HIPK3: variants seen among roughly 807,000 people sequenced by gnomAD.
HIPK3 encodes homeodomain interacting protein kinase 3, also known as homeodomain-interacting protein kinase 3.
In HIPK3, 47 loss-of-function variants were observed where a neutral mutation model predicts 124.2. The observed-to-expected ratio is 0.38, with a 90% CI of 0.30 to 0.48. HIPK3 has a LOEUF of 0.48. Ranked by LOEUF, HIPK3 falls within the 20% of genes least tolerant of loss-of-function variation. The pLI, the probability that HIPK3 is intolerant of heterozygous loss-of-function variation, is 0.98. For synonymous variants in HIPK3, 482 were observed against 515.2 expected (o/e 0.94, Z 0.87); for missense variants, 1,286 against 1,454.3 (o/e 0.88, Z 1.88).
intron 1 of HIPK3, among the ~76,000 whole-genome samples, chr11:33,258,911 C>T (rs1850749032): frequency 6.6e-6 from 1 of 151,616 alleles, no homozygotes; most frequent in East Asian, 1.9e-4. Flanking sequence ...CTTCTATTAG[C>T]AACAGCAAAA....
At chr11:33,261,483 T>C (rs1850826289) in intron 1 of HIPK3, among the ~76,000 whole-genome samples, 1 of 152,196 alleles carries the variant, frequency 6.6e-6, no homozygotes. Context: ...TTTCTGTTCC[T>C]GCATTATTTA....
intron 1 of HIPK3, among the ~76,000 whole-genome samples, chr11:33,270,198 C>CA (rs1851085986): frequency 6.6e-6 from 1 of 152,052 alleles, no homozygotes; most frequent in Non-Finnish European, 1.5e-5. Context: ...AGGCCGGTCT[C>CA]AAACTCCTGA....
chr11:33,301,613 T>A (rs1221952976), intron 2 of HIPK3, among the ~76,000 whole-genome samples: 4 of 141,554 alleles, frequency 2.8e-5, no homozygotes, highest in Non-Finnish European at 4.6e-5. Flanking sequence ...TGGGACCCCA[T>A]CTCTATAAAA....
chr11:33,350,379 G>A (rs552332335), intron 14 of HIPK3, among the ~76,000 whole-genome samples: 1 of 152,084 alleles, frequency 6.6e-6, no homozygotes, highest in South Asian at 2.1e-4. Flanking sequence ...TGAGAGATAA[G>A]CCACAGTCTA....
At chr11:33,325,555 C>T (rs1411548359) in intron 2 of HIPK3, among the ~76,000 whole-genome samples, 1 of 152,168 alleles carries the variant, frequency 6.6e-6, no homozygotes, top group Non-Finnish European at 1.5e-5. Context: ...AATATATGCT[C>T]TTTATAAACT....
At chr11:33,302,801 T>G (rs1180057203) in intron 2 of HIPK3, among the ~76,000 whole-genome samples, 1 of 152,198 alleles carries the variant, frequency 6.6e-6, no homozygotes, top group Non-Finnish European at 1.5e-5. Context: ...ATATGTGACT[T>G]TTGAGGCTAC....
chr11:33,318,167 C>T (rs1217853593), intron 2 of HIPK3, among the ~76,000 whole-genome samples: 1 of 152,110 alleles, frequency 6.6e-6, no homozygotes, highest in East Asian at 1.9e-4. Context: ...TTGAGAAATG[C>T]AGCATCTAAG....
At chr11:33,309,354 A>G (rs929756180) in intron 2 of HIPK3, among the ~76,000 whole-genome samples, 1 of 152,144 alleles carries the variant, frequency 6.6e-6, no homozygotes, top group Non-Finnish European at 1.5e-5. Flanking sequence ...GCCTCAAGTG[A>G]TCCTCCCATG....
At chr11:33,313,899 G>C (rs959773205) in intron 2 of HIPK3, among the ~76,000 whole-genome samples, 1 of 152,088 alleles carries the variant, frequency 6.6e-6, no homozygotes, top group African/African-American at 2.4e-5. Context: ...CTGGAGTGCA[G>C]TGGTATAAAG....
At chr11:33,352,822 A>G (rs987778044) in intron 16 of HIPK3, among the ~76,000 whole-genome samples, 1 of 152,180 alleles carries the variant, frequency 6.6e-6, no homozygotes, top group African/African-American at 2.4e-5. Context: ...AGCTGTTAGT[A>G]GTGATGGGGA....
chr11:33,311,997 C>CA (rs767765178), intron 2 of HIPK3, among the ~76,000 whole-genome samples: 4 of 146,480 alleles, frequency 2.7e-5, no homozygotes, highest in South Asian at 2.2e-4. Flanking sequence ...CACACACACA[C>CA]CACGAAAAAA....
chr11:33,258,569 C>T (rs1162690963), intron 1 of HIPK3: 4 of 985,334 alleles, frequency 4.1e-6, no homozygotes, highest in Non-Finnish European at 4.8e-6. Context: ...GGGCTGTTGC[C>T]GGCTTCTCTC....
intron 2 of HIPK3, among the ~76,000 whole-genome samples, chr11:33,322,284 C>T (rs762174224): frequency 1.3e-5 from 2 of 152,126 alleles, no homozygotes; most frequent in African/African-American, 4.8e-5. Flanking sequence ...CAGGCATGAG[C>T]CACCACACCT....
intron 2 of HIPK3, among the ~76,000 whole-genome samples, chr11:33,310,611 T>A (rs1852307315): frequency 6.6e-6 from 1 of 152,098 alleles, no homozygotes; most frequent in Non-Finnish European, 1.5e-5. Flanking sequence ...GCCCAGCCTA[T>A]TTAAGTTTAA....
chr11:33,334,902 T>A (rs1853094833), intron 3 of HIPK3, among the ~76,000 whole-genome samples: 1 of 152,164 alleles, frequency 6.6e-6, no homozygotes, highest in Non-Finnish European at 1.5e-5. Flanking sequence ...GCAGGTAGAA[T>A]AATCAGGAGG....
chr11:33,328,341 G>C, intron 2 of HIPK3, among the ~76,000 whole-genome samples, 169 bp from the exon 3 acceptor site: 1 of 152,182 alleles, frequency 6.6e-6, no homozygotes, highest in African/African-American at 2.4e-5. Flanking sequence ...ACCCCTTTCA[G>C]ATTAATTCAG....
At chr11:33,304,646 T>C (rs1440730958) in intron 2 of HIPK3, among the ~76,000 whole-genome samples, 1 of 152,194 alleles carries the variant, frequency 6.6e-6, no homozygotes, top group African/African-American at 2.4e-5. Flanking sequence ...TCTCCTTTTA[T>C]ATTGTGGCTG....
chr11:33,299,592 C>T (rs995053915), intron 2 of HIPK3, among the ~76,000 whole-genome samples: 2 of 152,144 alleles, frequency 1.3e-5, no homozygotes, highest in African/African-American at 4.8e-5. Flanking sequence ...TTGATAAAGC[C>T]AGCAGCAAGG....
intron 2 of HIPK3, among the ~76,000 whole-genome samples, chr11:33,295,320 G>A (rs1402594210): frequency 2.0e-5 from 2 of 98,914 alleles, no homozygotes; most frequent in African/African-American, 7.9e-5. Flanking sequence ...CATGGCATCC[G>A]AAGGACTTCG....
Sources: allele counts gnomAD v4.1 joint callset (sites outside exome capture counted in the v4.1 genomes callset), GRCh38; gene constraint gnomAD v4.1.1; transcripts MANE v1.5; gene names NCBI Gene and HGNC (gene_info 2026-07-23, HGNC 2026-07-21).